Variants in LAMA5 observed in about 807,000 individuals in gnomAD.
LAMA5 encodes laminin subunit alpha-5.
Under a neutral mutation model 433.4 loss-of-function variants are expected in LAMA5, and 260 were observed. That is an observed-to-expected ratio of 0.60 (90% CI 0.54 to 0.66). The LOEUF (loss-of-function observed/expected upper bound fraction) is 0.66, where lower values mean the gene tolerates loss of function less well. LAMA5 is among the 30% of genes least tolerant of loss of function. The probability of loss-of-function intolerance (pLI) is 0.00; values close to 1 mark genes in which losing one functional copy is unlikely to be tolerated. For missense variants in LAMA5, 5,378 were observed against 5,258.5 expected, an observed-to-expected ratio of 1.02 and a Z score of -0.70; for synonymous variants, 2,620 against 2,226.6, an observed-to-expected ratio of 1.18 and a Z score of -4.97.
In LAMA5 at chr20:62,310,510, G is replaced by T. The variant is rs1324203652; in HGVS notation, c.10509C>A (p.Ala3503=). 1 of 1,555,302 alleles carries T rather than the reference G, an allele frequency of 6.4e-7. No individual in the cohort carries two copies. Among genetic ancestry groups the T allele is most frequent in the Non-Finnish European group, 8.6e-7 (1 of 1,158,098 alleles). Residue 3503 remains alanine (A), a synonymous_variant, in exon 76 of 80, where the codon GCC becomes GCA. Transcript: ENST00000252999. ...GTGTGACCCCTGCCATCCGTGTGGGGGCCCCCAGGGGCCTCCCGTGCAGCC... is the reference window on the plus strand; with the variant it reads ...GTGTGACCCCTGCCATCCGTGTGGGTGCCCCCAGGGGCCTCCCGTGCAGCC... The part of the protein sequence containing the change: ...RLRLHGRPLG[A]PTRMAGVTPC...
Position 62,320,791 on chromosome 20 carries a change from G to C in LAMA5, c.6596C>G (p.Ser2199Cys). ...HEQLRGINAS[S>C]MAWARLHRLN... ...CCTGTGCAGACGGGCCCAGGCCATGGAGCTGGCATTGATGCCACGCAGTTG... is the reference window on the plus strand; with the variant it reads ...CCTGTGCAGACGGGCCCAGGCCATGCAGCTGGCATTGATGCCACGCAGTTG... The change falls in exon 49 of 80, where the codon TCC becomes TGC. Residue 2199 changes from serine to cysteine, a missense_variant. Physicochemically the swap from Ser to Cys is moderately radical, Grantham distance 112. Transcript: ENST00000252999. 1 of 1,612,678 alleles carries C rather than the reference G, an allele frequency of 6.2e-7. No individual in the cohort carries two copies. Among genetic ancestry groups the C allele is most frequent in the Non-Finnish European group, 8.5e-7 (1 of 1,179,912 alleles).
chr20:62,323,826 G>T lies in LAMA5; in HGVS notation c.5799C>A (p.Gly1933=). ...CAGGTTTGCAGAGGCACTGGGTGCGGCCGCCTCGCAGGACACAGCCCTCGG... is the reference window on the plus strand; with the variant it reads ...CAGGTTTGCAGAGGCACTGGGTGCGTCCGCCTCGCAGGACACAGCCCTCGG... ...NFAEGCVLRG[G]RTQCLCKPGY... The change falls in exon 44 of 80, where the codon GGC becomes GGA. Residue 1933 remains glycine, a synonymous_variant. Coordinates refer to ENST00000252999, the MANE Select transcript of LAMA5 (RefSeq NM_005560.6). 6.2e-7 allele frequency: 1 copy of T among 1,609,670 alleles called. No homozygotes were observed. Among genetic ancestry groups the T allele is most frequent in the Non-Finnish European group, 8.5e-7 (1 of 1,178,620 alleles).
intron 46 of LAMA5, 27 bp from the exon 47 acceptor site, chr20:62,322,476 G>T (rs1200198301): frequency 1.3e-6 from 2 of 1,554,984 alleles, no homozygotes. Context: ...TCACTGCCCT[G>T]CCCAGCCCTC....
chr20:62,352,996 G>A (rs756562420), intron 3 of LAMA5, 138 bp downstream of exon 3: 6 of 634,050 alleles, frequency 9.5e-6, no homozygotes, highest in Admixed American at 3.1e-5. Context: ...TCGGGTCCTC[G>A]TCTGACAGTC....
Position 62,309,104 on chromosome 20 carries a change from G to GTGA in LAMA5, c.*229_*231dup, listed in dbSNP as rs1176770345. ...CTTTTTAATTTTTAAGGAGGAACCA[G>GTGA]TGATGATTGGTGACAAATCTCTCAC... On this transcript the variant is annotated 3_prime_UTR_variant, in exon 80 of 80. Transcript: ENST00000252999. 6.7e-6 allele frequency: 4 copies of GTGA among 601,216 alleles called. No homozygotes were observed. The highest frequency in any genetic ancestry group is 2.3e-5 in the South Asian group (1 of 42,652). The allele number at this position is 601,216 out of a possible 1,614,324, so 37.2% of individuals were successfully genotyped here.
At position 62,338,625 on chromosome 20, in the gene LAMA5, G is replaced by A. The variant is rs1982097058; in HGVS notation, c.1478-17C>T. The A allele has an allele frequency of 4.4e-6, 7 of 1,601,230 alleles. No homozygotes were observed. The highest frequency in any genetic ancestry group is 5.9e-6 in the Non-Finnish European group (7 of 1,176,570). Reference sequence around the variant, plus strand: ...AGTCACAATCTGGAGGGTGGGGACAGGCAGGGGAGTCTCAGATGCCCTGCA... The same window carrying A: ...AGTCACAATCTGGAGGGTGGGGACAAGCAGGGGAGTCTCAGATGCCCTGCA... On this transcript the variant is annotated splice_polypyrimidine_tract_variant and intron_variant, in intron 11 of 79. Coordinates refer to ENST00000252999, the MANE Select transcript of LAMA5 (RefSeq NM_005560.6).
At chr20:62,311,361 A>G in intron 72 of LAMA5, 40 bp downstream of exon 72, 1 of 1,522,784 alleles carries the variant, frequency 6.6e-7, no homozygotes, top group Non-Finnish European at 8.8e-7. Context: ...CCACCCTTCC[A>G]GCCACCCCAG....
chr20:62,336,096 C>T, intron 18 of LAMA5, among the ~76,000 whole-genome samples: 1 of 149,654 alleles, frequency 6.7e-6, no homozygotes, highest in South Asian at 2.1e-4. Flanking sequence ...ACCCTCATAC[C>T]CCCAATACTC....
chr20:62,345,008 A>G (rs915632639), intron 11 of LAMA5, among the ~76,000 whole-genome samples: 2 of 152,066 alleles, frequency 1.3e-5, no homozygotes, highest in Admixed American at 6.6e-5. Context: ...GGAATTGTGG[A>G]TAACTTTTTG....
Position 62,322,256 on chromosome 20 carries a change from G to A in LAMA5, c.6346+13C>T, listed in dbSNP as rs569739875. On this transcript the variant is annotated intron_variant, in intron 47 of 79. Coordinates refer to ENST00000252999, the MANE Select transcript of LAMA5 (RefSeq NM_005560.6). ...AGTCCCCATCCGCCCTCCTGTGACC[G>A]GCCAGCACTCACGCCTGCAGCCCTG... The A allele has an allele frequency of 1.6e-4, 258 of 1,582,606 alleles. 2 individuals are homozygous for A. Among genetic ancestry groups the A allele is most frequent in the Non-Finnish European group, 1.7e-4 (200 of 1,167,314 alleles).
intron 63 of LAMA5, 41 bp from the exon 64 acceptor site, chr20:62,313,501 G>A (rs553683311): frequency 1.2e-5 from 19 of 1,566,562 alleles, no homozygotes; most frequent in South Asian, 3.6e-5. Flanking sequence ...GGCCTGAGGC[G>A]CCTCCCCTCC....
chr20:62,311,826 G>GGGGGC, intron 70 of LAMA5, 42 bp from the exon 71 acceptor site: 1 of 487,170 alleles, frequency 2.1e-6, no homozygotes, highest in Non-Finnish European at 3.5e-6. Context: ...TCCCCACCCT[G>GGGGGC]CCCACCCCCA....
chr20:62,317,855 G>A lies in LAMA5; in HGVS notation c.7240-77C>T, dbSNP rs530549442. 28 of 343,536 alleles carry A rather than the reference G, an allele frequency of 8.2e-5. No individual in the cohort carries two copies. The South Asian group carries it at 1.2e-3, about 15-fold the overall frequency. 21.3% of individuals were successfully genotyped at this position (343,536 alleles called of 1,614,324 possible). ...AGGATGTGATGGGGTGGACAGCAGG[G>A]CAGGGAAGGGAGAAGAAAAGAGGGG... On this transcript the variant is annotated intron_variant, in intron 53 of 79. Transcript: ENST00000252999.
rs1472560613 is a variant in LAMA5 at position 62,320,755 on chromosome 20, G to C, written c.6632C>G (p.Ser2211Cys). 14 of 1,612,562 alleles carry C rather than the reference G, an allele frequency of 8.7e-6. No homozygotes were observed. Among genetic ancestry groups the C allele is most frequent in the Middle Eastern group, 3.3e-4 (2 of 6,078 alleles). The change falls in exon 49 of 80, where the codon TCC becomes TGC. Residue 2211 changes from serine (S) to cysteine (C), a missense_variant. By Grantham distance (112) the Ser-to-Cys change is moderately radical. Transcript: ENST00000252999. ...AWARLHRLNA[S>C]IADLQSQLRS... is the part of the protein sequence containing the mutation. ...GCTCAGTACCTGCAGGTCAGCGATGGAGGCGTTCAGCCTGTGCAGACGGGC... is the reference window on the plus strand; with the variant it reads ...GCTCAGTACCTGCAGGTCAGCGATGCAGGCGTTCAGCCTGTGCAGACGGGC...
chr20:62,324,601 G>A lies in LAMA5; in HGVS notation c.5530-47C>T, dbSNP rs1388892516. 1 of 1,405,424 alleles carries A rather than the reference G, an allele frequency of 7.1e-7. No individual in the cohort carries two copies. Among genetic ancestry groups the A allele is most frequent in the South Asian group, 1.2e-5 (1 of 83,130 alleles). 87.1% of individuals were successfully genotyped at this position (1,405,424 alleles called of 1,614,324 possible). On this transcript the variant is annotated intron_variant, in intron 41 of 79. Coordinates refer to ENST00000252999, the MANE Select transcript of LAMA5 (RefSeq NM_005560.6). This position sits in a 1 kb window ranked among gnomAD's most constrained non-coding sequence, Gnocchi z 4.4. ...TGGCATCAGCGATTGAGAGGACGAG[G>A]GGCCCCACCCTGCAAGCTCACAAGT... is the stretch of plus-strand genomic sequence containing the variant.
At chr20:62,332,297 T>C in intron 28 of LAMA5, 75 bp downstream of exon 28, 1 of 1,082,782 alleles carries the variant, frequency 9.2e-7, no homozygotes, top group South Asian at 1.3e-5. Flanking sequence ...CCAACTGTCC[T>C]CTCCCCTCTC....
chr20:62,345,994 A>G lies in LAMA5; in HGVS notation c.1417+87T>C, dbSNP rs62204552. The G allele has an allele frequency of 2.6e-3, 4,061 of 1,589,970 alleles. 9 individuals carry two copies. Among genetic ancestry groups the G allele is most frequent in the Non-Finnish European group, 3.1e-3 (3,636 of 1,162,782 alleles). On this transcript the variant is annotated intron_variant, in intron 10 of 79. Transcript: ENST00000252999. Reference sequence around the variant, plus strand: ...AGATGCAGGCAGGATAACATGGTCCATCCCGGGGAACCCCTCCACCCCCTG... The same window carrying G: ...AGATGCAGGCAGGATAACATGGTCCGTCCCGGGGAACCCCTCCACCCCCTG...
At chr20:62,337,194 ATACGCGCACCCACTTATGCG>A (rs1981794389) in intron 16 of LAMA5, among the ~76,000 whole-genome samples, 3 of 151,986 alleles carry the variant, frequency 2.0e-5, no homozygotes, top group African/African-American at 4.8e-5. Context: ...CACTTATGCG[ATACGCGCACCCACTTATGCG>A]ACACGCGCCC....
chr20:62,311,114 C>G lies in LAMA5; in HGVS notation c.10089-20G>C. On this transcript the variant is annotated intron_variant, in intron 73 of 79. Transcript: ENST00000252999. ...CTGGGCCTGGAAGCGGAGCTGGCGT[C>G]AGCCTGCGCGGCCCCTCTCAGCCCA... The G allele has an allele frequency of 1.3e-6, 2 of 1,565,452 alleles. No homozygotes were observed. Among genetic ancestry groups the G allele is most frequent in the Non-Finnish European group, 1.7e-6 (2 of 1,154,040 alleles).
Sources: allele counts gnomAD v4.1 joint callset (sites outside exome capture counted in the v4.1 genomes callset), GRCh38; gene constraint gnomAD v4.1.1; non-coding constraint Gnocchi (gnomAD v3.1); transcripts MANE v1.5; gene names NCBI Gene and HGNC (gene_info 2026-07-23, HGNC 2026-07-21).